The following MICU1 variants were observed in gnomAD, a reference collection of about 807,000 sequenced individuals.
The protein encoded by MICU1 is mitochondrial calcium uptake 1.
A neutral mutation model predicts 56.8 loss-of-function variants in MICU1; 45 were observed. That is an observed-to-expected ratio of 0.79 (90% CI 0.62 to 1.02). The LOEUF (loss-of-function observed/expected upper bound fraction) is 1.02, where lower values mean the gene tolerates loss of function less well. Among genes scored for constraint, MICU1 ranks in the 50% least tolerant of loss-of-function variants. MICU1 has a pLI of 0.00. For missense variants in MICU1, 504 were observed against 587.1 expected, an observed-to-expected ratio of 0.86 and a Z score of 1.46; for synonymous variants, 186 against 195.1, an observed-to-expected ratio of 0.95 and a Z score of 0.39.
chr10:72,467,508 C>T (rs1337823692), intron 8 of MICU1, among the ~76,000 whole-genome samples: 2 of 151,744 alleles, frequency 1.3e-5, no homozygotes, highest in Non-Finnish European at 2.9e-5. Context: ...TTAATAGAAA[C>T]GGGGATTCGC....
chr10:72,417,928 T>A (rs1864037287), intron 9 of MICU1, among the ~76,000 whole-genome samples: 1 of 152,180 alleles, frequency 6.6e-6, no homozygotes, highest in Non-Finnish European at 1.5e-5. Context: ...GGAAAGAGGT[T>A]TAATTGACTC....
chr10:72,617,937 G>C (rs1346850736), intron 1 of MICU1, among the ~76,000 whole-genome samples: 1 of 152,160 alleles, frequency 6.6e-6, no homozygotes, highest in Admixed American at 6.5e-5. Context: ...AGGCCAAGGT[G>C]GGCAGATTAC....
At chr10:72,378,018 G>A (rs1862580987) in intron 10 of MICU1, among the ~76,000 whole-genome samples, 1 of 152,202 alleles carries the variant, frequency 6.6e-6, no homozygotes, top group African/African-American at 2.4e-5. Context: ...GGGAGGCCAA[G>A]GCTGATGGAT....
intron 1 of MICU1, among the ~76,000 whole-genome samples, chr10:72,569,155 G>A (rs1479169817): frequency 7.3e-6 from 1 of 136,810 alleles, no homozygotes; most frequent in Non-Finnish European, 1.6e-5. Flanking sequence ...AATTAAACAA[G>A]ATAAATACAA....
intron 10 of MICU1, among the ~76,000 whole-genome samples, chr10:72,406,781 C>T (rs1863644410): frequency 6.6e-6 from 1 of 151,966 alleles, no homozygotes; most frequent in African/African-American, 2.4e-5. Flanking sequence ...CATACACCAC[C>T]ACGCCTGGCT....
intron 10 of MICU1, among the ~76,000 whole-genome samples, chr10:72,400,574 C>A (rs755057479): frequency 1.3e-4 from 20 of 152,012 alleles, no homozygotes; most frequent in South Asian, 6.3e-4. Flanking sequence ...GGTGAAACCC[C>A]AACTCTACTA....
At chr10:72,623,478 G>C (rs1464187462) in intron 1 of MICU1, among the ~76,000 whole-genome samples, 1 of 152,012 alleles carries the variant, frequency 6.6e-6, no homozygotes, top group Non-Finnish European at 1.5e-5. Flanking sequence ...ATGGTGGCTT[G>C]TACCTGCAAT....
At chr10:72,573,251 C>T (rs1464780567) in intron 1 of MICU1, among the ~76,000 whole-genome samples, 1 of 129,318 alleles carries the variant, frequency 7.7e-6, no homozygotes, top group Non-Finnish European at 1.5e-5. Flanking sequence ...GGGAGGGTCA[C>T]TTGAGTCCAG....
intron 8 of MICU1, among the ~76,000 whole-genome samples, chr10:72,463,823 C>T (rs1318024571): frequency 6.6e-6 from 1 of 152,192 alleles, no homozygotes; most frequent in Non-Finnish European, 1.5e-5. Context: ...CATCATCATT[C>T]ATTCACTGAC....
chr10:72,564,591 C>T (rs933437708), intron 2 of MICU1, among the ~76,000 whole-genome samples: 1 of 149,504 alleles, frequency 6.7e-6, no homozygotes, highest in Non-Finnish European at 1.5e-5. Flanking sequence ...CCTATAATTG[C>T]CCAGAATTTC....
At chr10:72,474,835 T>C (rs774459336) in intron 8 of MICU1, among the ~76,000 whole-genome samples, 45 of 152,234 alleles carry the variant, frequency 3.0e-4, no homozygotes, top group Non-Finnish European at 5.1e-4. Context: ...CCCCTGAGTT[T>C]CTTTCTCCAC....
intron 8 of MICU1, among the ~76,000 whole-genome samples, chr10:72,453,567 T>C (rs1400037587): frequency 6.6e-6 from 1 of 152,190 alleles, no homozygotes; most frequent in African/African-American, 2.4e-5. Flanking sequence ...TTTGCTCTTG[T>C]TGCCCAGGCT....
At chr10:72,411,358 C>T (rs1863806939) in intron 9 of MICU1, among the ~76,000 whole-genome samples, 1 of 150,918 alleles carries the variant, frequency 6.6e-6, no homozygotes, top group Non-Finnish European at 1.5e-5. Flanking sequence ...GACGGAGTCT[C>T]GCTCTATCGC....
intron 8 of MICU1, among the ~76,000 whole-genome samples, chr10:72,434,719 T>C (rs1864652658): frequency 6.6e-6 from 1 of 152,198 alleles, no homozygotes; most frequent in Admixed American, 6.5e-5. Context: ...CAAACTGCTA[T>C]TTTCTCTCAC....
At chr10:72,618,618 G>A (rs992798032) in intron 1 of MICU1, among the ~76,000 whole-genome samples, 2 of 151,960 alleles carry the variant, frequency 1.3e-5, no homozygotes, top group Non-Finnish European at 2.9e-5. Flanking sequence ...TACAACTTTC[G>A]AATCTAAAAG....
chr10:72,512,097 G>GTTTTTTTTTTTTTTTTTTTTTTTTTT (rs1867471926), intron 5 of MICU1, among the ~76,000 whole-genome samples: 3 of 100,702 alleles, frequency 3.0e-5, no homozygotes, highest in African/African-American at 1.2e-4. Context: ...TCCATACACA[G>GTTTTTTTTTTTTTTTTTTTTTTTTTT]TTGTTTTTTG....
At chr10:72,509,571 T>G (rs1192546573) in intron 5 of MICU1, among the ~76,000 whole-genome samples, 1 of 152,250 alleles carries the variant, frequency 6.6e-6, no homozygotes, top group Non-Finnish European at 1.5e-5. Context: ...ACAGTAGCTA[T>G]GGACAGGTTA....
At chr10:72,519,135 A>ATT (rs1439622576) in intron 5 of MICU1, among the ~76,000 whole-genome samples, 8 of 152,272 alleles carry the variant, frequency 5.3e-5, no homozygotes, top group Non-Finnish European at 1.0e-4. Context: ...TCAAATGACA[A>ATT]GAATAGCATT....
intron 1 of MICU1, among the ~76,000 whole-genome samples, chr10:72,578,484 C>T (rs1012053955): frequency 4.0e-5 from 6 of 149,042 alleles, no homozygotes; most frequent in African/African-American, 1.5e-4. Context: ...AGGCGGGCCT[C>T]GAATTCCTGA....
Sources: allele counts gnomAD v4.1 joint callset (sites outside exome capture counted in the v4.1 genomes callset), GRCh38; gene constraint gnomAD v4.1.1; transcripts MANE v1.5; gene names NCBI Gene and HGNC (gene_info 2026-07-23, HGNC 2026-07-21).